Variants in ADCY1 observed in about 807,000 individuals in gnomAD.
ADCY1 encodes adenylate cyclase type 1.
In ADCY1, 28 loss-of-function variants were observed where a neutral mutation model predicts 105.4. The observed-to-expected ratio is 0.27, with a 90% CI of 0.20 to 0.36. The LOEUF (loss-of-function observed/expected upper bound fraction) is 0.36, where lower values mean the gene tolerates loss of function less well. ADCY1 is among the 10% of genes least tolerant of loss of function. The pLI is 1.00. For missense variants in ADCY1, 977 were observed against 1,434.2 expected (o/e 0.68, Z 5.15); for synonymous variants, 655 against 623.8 (o/e 1.05, Z -0.75).
intron 17 of ADCY1, among the ~76,000 whole-genome samples, chr7:45,706,514 G>GAA (rs1785123921): frequency 1.4e-5 from 1 of 69,646 alleles, no homozygotes; most frequent in Admixed American, 1.4e-4. Context: ...AAAAAAAAAA[G>GAA]AATATAGATG....
intron 11 of ADCY1, chr7:45,684,748 ATT>A: frequency 2.4e-6 from 1 of 420,846 alleles, no homozygotes. Context: ...GGGAAGTATT[ATT>A]CTTTGTAATT....
intron 2 of ADCY1, among the ~76,000 whole-genome samples, chr7:45,602,022 T>A (rs896777109): frequency 1.3e-5 from 2 of 151,990 alleles, no homozygotes; most frequent in Non-Finnish European, 2.9e-5. Context: ...AATAGGGACG[T>A]ACTATGGGGA....
intron 8 of ADCY1, among the ~76,000 whole-genome samples, chr7:45,663,683 G>A (rs1795189991): frequency 6.6e-6 from 1 of 152,178 alleles, no homozygotes; most frequent in African/African-American, 2.4e-5. Context: ...GCCGGGCGTG[G>A]TGGCACATGC....
chr7:45,622,841 C>G, intron 4 of ADCY1, 98 bp downstream of exon 4: 3 of 905,798 alleles, frequency 3.3e-6, no homozygotes, highest in Non-Finnish European at 5.2e-6. Context: ...ATGAACTAGA[C>G]TGATTGCTAA....
rs1784677011 is a variant in ADCY1, at chr7:45,686,504, A to G, written c.2328-43A>G. On this transcript the variant is annotated intron_variant, in intron 13 of 19. Transcript: ENST00000297323. This position sits in a 1 kb window ranked among gnomAD's most constrained non-coding sequence, Gnocchi z 4.3. ...GTTTGGTGGCAGAGTCTTGCCCTGG[A>G]AGCTCGGCACTGACTTGGCTTTTCT... 1 of 1,578,964 alleles carries G rather than the reference A, an allele frequency of 6.3e-7. No individual in the cohort carries two copies. The highest frequency in any genetic ancestry group is 8.6e-7 in the Non-Finnish European group (1 of 1,159,854).
At chr7:45,609,204 C>T (rs11766192) in intron 2 of ADCY1, among the ~76,000 whole-genome samples, 37,091 of 152,112 alleles carry the variant, frequency 0.24, 5,437 homozygotes, top group East Asian at 0.48. Context: ...GGCTCCTGAA[C>T]GTGAAGGTGT....
Position 45,710,784 on chromosome 7 carries a change from G to A in ADCY1, c.3057+132G>A, listed in dbSNP as rs985907628. On this transcript the variant is annotated intron_variant, in intron 19 of 19. Coordinates refer to ENST00000297323, the MANE Select transcript of ADCY1 (RefSeq NM_021116.4). The surrounding 1 kb of genome is among the most constrained non-coding windows in gnomAD (Gnocchi z 4.7). ...CAGGGCAGAAAGAGCTGCATATTTC[G>A]GTCTGTCTGCTCTGGAGGGCATCCT... 7.8e-6 allele frequency: 10 copies of A among 1,282,214 alleles called. No homozygotes were observed. Among genetic ancestry groups the A allele is most frequent in the Middle Eastern group, 2.0e-4 (1 of 4,974 alleles). 79.4% of individuals were successfully genotyped at this position (1,282,214 alleles called of 1,614,324 possible).
Position 45,592,750 on chromosome 7 carries a change from T to TC in ADCY1, c.640-6dup, listed in dbSNP as rs752494772. 7.7e-5 allele frequency: 125 copies of TC among 1,613,926 alleles called. No homozygotes were observed. Among genetic ancestry groups the TC allele is most frequent in the Non-Finnish European group, 1.0e-4 (121 of 1,179,946 alleles). On this transcript the variant is annotated splice_polypyrimidine_tract_variant and intron_variant, in intron 1 of 19. Coordinates refer to ENST00000297323, the MANE Select transcript of ADCY1 (RefSeq NM_021116.4). ...AGGCTCCACATGTTGCCTCCTTCTC[T>TC]CCCTGCAGCTCGGTGCCAATGCCTT...
chr7:45,685,082 G>A lies in ADCY1; in HGVS notation c.2073+14G>A. ...CAAGGTTGTGTGGTGAGCATCTCCA[G>A]CTTGTGGCATGCGCTGGGGCGGGAG... On this transcript the variant is annotated intron_variant, in intron 12 of 19. Transcript: ENST00000297323. The A allele has an allele frequency of 2.5e-6, 4 of 1,610,236 alleles. No individual in the cohort carries two copies. Among genetic ancestry groups the A allele is most frequent in the Non-Finnish European group, 3.4e-6 (4 of 1,176,444 alleles).
At chr7:45,605,717 A>G (rs1016715458) in intron 2 of ADCY1, among the ~76,000 whole-genome samples, 8 of 152,136 alleles carry the variant, frequency 5.3e-5, no homozygotes, top group Admixed American at 3.9e-4. Context: ...AGACTTTTAT[A>G]TCTATGTTTC....
At chr7:45,602,846 C>G (rs1793276649) in intron 2 of ADCY1, among the ~76,000 whole-genome samples, 1 of 152,192 alleles carries the variant, frequency 6.6e-6, no homozygotes, top group African/African-American at 2.4e-5. Flanking sequence ...TTATTTAATA[C>G]ATATGTCAAA....
intron 3 of ADCY1, among the ~76,000 whole-genome samples, chr7:45,614,788 G>C (rs1648825228): frequency 6.6e-6 from 1 of 152,136 alleles, no homozygotes; most frequent in African/African-American, 2.4e-5. Context: ...GAGACAAGAA[G>C]TCTTTATTAT....
At chr7:45,609,258 G>A (rs952818759) in intron 2 of ADCY1, among the ~76,000 whole-genome samples, 2 of 152,186 alleles carry the variant, frequency 1.3e-5, no homozygotes, top group African/African-American at 4.8e-5. Flanking sequence ...CAGGATGGAG[G>A]CCGCTCCTGG....
chr7:45,698,760 G>A (rs1017886308), intron 14 of ADCY1, among the ~76,000 whole-genome samples: 6 of 152,190 alleles, frequency 3.9e-5, no homozygotes, highest in African/African-American at 1.2e-4. Context: ...AAGTGGCCGT[G>A]CAAAGCTAGA....
chr7:45,703,564 G>T lies in ADCY1; in HGVS notation c.2572-36G>T. ...TGGCCACCCCACTTGGCGCTCACCT[G>T]GCTGACCCTTCCTGACCCATCCTTT... On this transcript the variant is annotated intron_variant, in intron 15 of 19. Coordinates refer to ENST00000297323, the MANE Select transcript of ADCY1 (RefSeq NM_021116.4). This position sits in a 1 kb window ranked among gnomAD's most constrained non-coding sequence, Gnocchi z 5.9. The T allele has an allele frequency of 6.2e-7, 1 of 1,611,950 alleles. No individual in the cohort carries two copies. The highest frequency in any genetic ancestry group is 2.2e-5 in the East Asian group (1 of 44,796).
chr7:45,590,452 A>G (rs996755693), intron 1 of ADCY1, among the ~76,000 whole-genome samples: 10 of 152,146 alleles, frequency 6.6e-5, no homozygotes, highest in African/African-American at 2.2e-4. Context: ...TAGCTCTGGC[A>G]GCTCCAGTGC....
At chr7:45,673,000 G>C (rs1207420078) in intron 8 of ADCY1, among the ~76,000 whole-genome samples, 2 of 152,028 alleles carry the variant, frequency 1.3e-5, no homozygotes, top group Non-Finnish European at 2.9e-5. Context: ...CTAGTTTTCT[G>C]ATAATTTTTA....
At chr7:45,610,857 TGTG>T (rs1793549184) in intron 3 of ADCY1, among the ~76,000 whole-genome samples, 2 of 5,314 alleles carry the variant, frequency 3.8e-4, no homozygotes, top group African/African-American at 6.6e-4. Context: ...ATATTGGAGT[TGTG>T]GAGATGATGG....
intron 4 of ADCY1, among the ~76,000 whole-genome samples, chr7:45,641,659 G>A (rs1027107379): frequency 2.2e-4 from 34 of 151,872 alleles, no homozygotes; most frequent in African/African-American, 8.0e-4. Context: ...GGGCGCGGTG[G>A]CTCACGCCTG....
Sources: allele counts gnomAD v4.1 joint callset (sites outside exome capture counted in the v4.1 genomes callset), GRCh38; gene constraint gnomAD v4.1.1; non-coding constraint Gnocchi (gnomAD v3.1); transcripts MANE v1.5; gene names NCBI Gene and HGNC (gene_info 2026-07-23, HGNC 2026-07-21).